Variants in ERBB2 observed in about 807,000 individuals in gnomAD.
ERBB2 encodes receptor tyrosine-protein kinase erbB-2.
In ERBB2, 61 loss-of-function variants were observed where a neutral mutation model predicts 149.0. That is an observed-to-expected ratio of 0.41 (90% CI 0.33 to 0.51). The LOEUF is 0.51. Ranked by LOEUF, ERBB2 falls within the 20% of genes least tolerant of loss-of-function variation. The pLI, the probability that ERBB2 is intolerant of heterozygous loss-of-function variation, is 0.25. For synonymous variants in ERBB2, 633 were observed against 678.8 expected, an observed-to-expected ratio of 0.93 and a Z score of 1.05; for missense variants, 1,205 against 1,655.1, an observed-to-expected ratio of 0.73 and a Z score of 4.72.
In ERBB2 at chr17:39,700,331, G is replaced by A; in HGVS notation, c.73+20G>A. 1 of 1,361,014 alleles carries A rather than the reference G, an allele frequency of 7.3e-7. No homozygotes were observed. Among genetic ancestry groups the A allele is most frequent in the Non-Finnish European group, 9.5e-7 (1 of 1,056,340 alleles). 84.3% of individuals were successfully genotyped at this position (1,361,014 alleles called of 1,614,324 possible). ...CCCAAGGTGGGTCTGGTGTGGGGAG[G>A]GGACGGAGCAGCGGCGGGACCCTGC... On this transcript the variant is annotated intron_variant, in intron 1 of 26. Coordinates refer to ENST00000269571, the MANE Select transcript of ERBB2 (RefSeq NM_004448.4).
rs1043782216 is a variant in ERBB2 at position 39,712,819 on chromosome 17, A to G, written c.1148+371A>G. On this transcript the variant is annotated intron_variant, in intron 9 of 26. Coordinates refer to ENST00000269571, the MANE Select transcript of ERBB2 (RefSeq NM_004448.4). The stretch of plus-strand genomic sequence containing the variant: ...TTTGGTGAAGTTCTACTTAGCAACC[A>G]AAGGAAATGAACTACCGATACAACA... Among the ~76,000 whole-genome samples, 13 of 152,368 alleles carry G rather than the reference A, an allele frequency of 8.5e-5. No homozygotes were observed. In the East Asian group the frequency reaches 2.3e-3, roughly 27 times the overall value.
chr17:39,713,586 A>G (rs2058941196), intron 9 of ERBB2, among the ~76,000 whole-genome samples: 1 of 151,542 alleles, frequency 6.6e-6, no homozygotes, highest in African/African-American at 2.4e-5. Context: ...CCCCATCTCT[A>G]CTAAAAAATA....
chr17:39,715,232 G>C (rs2145626966), intron 9 of ERBB2, 54 bp from the exon 10 acceptor site: 2 of 1,483,184 alleles, frequency 1.3e-6, no homozygotes, highest in South Asian at 2.3e-5. Flanking sequence ...CCAGTGCTGG[G>C]AGTGATGTCC....
In ERBB2 at chr17:39,724,920, C is replaced by T. The variant is rs1484140004; in HGVS notation, c.2493+9C>T. 9.9e-6 allele frequency: 16 copies of T among 1,612,928 alleles called. No individual in the cohort carries two copies. Among genetic ancestry groups the T allele is most frequent in the Non-Finnish European group, 1.4e-5 (16 of 1,179,056 alleles). Reference sequence around the variant, plus strand: ...GTATGCAGATTGCCAAGGTATGCACCTGGGCTCTTTGCAGGTCTCTCCGGA... The same window carrying T: ...GTATGCAGATTGCCAAGGTATGCACTTGGGCTCTTTGCAGGTCTCTCCGGA... On this transcript the variant is annotated intron_variant, in intron 20 of 26. Coordinates refer to ENST00000269571, the MANE Select transcript of ERBB2 (RefSeq NM_004448.4).
chr17:39,701,095 C>G (rs1415808174), intron 1 of ERBB2, among the ~76,000 whole-genome samples: 1 of 151,860 alleles, frequency 6.6e-6, no homozygotes, highest in Non-Finnish European at 1.5e-5. Flanking sequence ...AGATGGGAGC[C>G]TAGGGAGGGC....
At chr17:39,708,557 C>T in intron 3 of ERBB2, 23 bp downstream of exon 3, 5 of 1,595,810 alleles carry the variant, frequency 3.1e-6, no homozygotes, top group Non-Finnish European at 4.3e-6. Context: ...GTCATTGAAA[C>T]CTTCTCTTGG....
At position 39,726,497 on chromosome 17, in the gene ERBB2, G is replaced by T; in HGVS notation, c.2873-65G>T. The T allele has an allele frequency of 7.4e-7, 1 of 1,352,780 alleles. No homozygotes were observed. The highest frequency in any genetic ancestry group is 1.2e-5 in the South Asian group (1 of 84,208). 83.8% of individuals were successfully genotyped at this position (1,352,780 alleles called of 1,614,324 possible). The stretch of plus-strand genomic sequence containing the variant: ...GTCTAGACCAGACTGGAGGGGGAGT[G>T]GGAGGGGAGAGGCAGCAAGCACACA... On this transcript the variant is annotated intron_variant, in intron 23 of 26. Transcript: ENST00000269571. This position sits in a 1 kb window ranked among gnomAD's most constrained non-coding sequence, Gnocchi z 5.1.
upstream of ERBB2, among the ~76,000 whole-genome samples, chr17:39,693,547 T>C (rs907188093): frequency 3.3e-5 from 5 of 151,888 alleles, no homozygotes; most frequent in Admixed American, 2.0e-4. Flanking sequence ...CGTGGTGTGA[T>C]CATGGCTCAC....
Position 39,717,223 on chromosome 17 carries a change from C to T in ERBB2, c.1738-97C>T. 3.9e-6 allele frequency: 4 copies of T among 1,028,826 alleles called. No individual in the cohort carries two copies. The East Asian group carries it at 8.5e-5, about 22-fold the overall frequency. The allele number at this position is 1,028,826 out of a possible 1,614,324, so 63.7% of individuals were successfully genotyped here. A position where few individuals can be genotyped will look rare whatever the true frequency, so the allele number is the denominator to read the frequency against. ...CATGGCGAAAATTGCTGCTGGGTGG[C>T]CTTGGGAAGCACAAAGGGGACCCAA... On this transcript the variant is annotated intron_variant, in intron 14 of 26. Coordinates refer to ENST00000269571, the MANE Select transcript of ERBB2 (RefSeq NM_004448.4).
Position 39,716,700 on chromosome 17 carries a change from A to G in ERBB2, c.1737+95A>G, listed in dbSNP as rs2934968. 1.5e-4 allele frequency: 165 copies of G among 1,087,278 alleles called. 2 individuals carry two copies. The African/African-American group carries it at 1.9e-3, about 13-fold the overall frequency. 67.4% of individuals were successfully genotyped at this position (1,087,278 alleles called of 1,614,324 possible). ...ATGGCGAGATGCAGTAGGGTGTGCTATCTGGTAAAATATCCCTGGAGAGGG... is the reference window on the plus strand; with the variant it reads ...ATGGCGAGATGCAGTAGGGTGTGCTGTCTGGTAAAATATCCCTGGAGAGGG... On this transcript the variant is annotated intron_variant, in intron 14 of 26. Coordinates refer to ENST00000269571, the MANE Select transcript of ERBB2 (RefSeq NM_004448.4).
intron 19 of ERBB2, 26 bp from the exon 20 acceptor site, chr17:39,724,700 C>A (rs1387969887): frequency 1.2e-6 from 2 of 1,608,546 alleles, no homozygotes; most frequent in Non-Finnish European, 1.7e-6. Context: ...GTCTCCCATA[C>A]CCTCTCAGCG....
chr17:39,706,958 T>C, intron 1 of ERBB2, 32 bp from the exon 2 acceptor site: 1 of 1,489,958 alleles, frequency 6.7e-7, no homozygotes, highest in East Asian at 2.6e-5. Context: ...CCCCCGCCAG[T>C]GTCCTCTGAC....
chr17:39,701,573 G>A (rs1473258529), intron 1 of ERBB2, among the ~76,000 whole-genome samples: 1 of 152,258 alleles, frequency 6.6e-6, no homozygotes, highest in Admixed American at 6.5e-5. Flanking sequence ...TCGTGGCTGT[G>A]TGTTGCCCGA....
chr17:39,695,743 A>ACACACG (rs1567889354), upstream of ERBB2, among the ~76,000 whole-genome samples: 2 of 148,842 alleles, frequency 1.3e-5, no homozygotes, highest in Non-Finnish European at 3.0e-5. Context: ...ACACACACAC[A>ACACACG]CACACACACA....
rs908737116 is a variant in ERBB2, at chr17:39,725,459, T to C, written c.2725+57T>C. On this transcript the variant is annotated intron_variant, in intron 22 of 26. Transcript: ENST00000269571. The surrounding 1 kb of genome is among the most constrained non-coding windows in gnomAD (Gnocchi z 4.6). The stretch of plus-strand genomic sequence containing the variant: ...TGAGGAGCCATGGCTGGAGGGAGGA[T>C]GAGAGCTGGGATGGGGAGAATTACG... The C allele has an allele frequency of 6.4e-7, 1 of 1,553,240 alleles. No homozygotes were observed. Among genetic ancestry groups the C allele is most frequent in the African/African-American group, 1.4e-5 (1 of 73,674 alleles).
intron 9 of ERBB2, 70 bp from the exon 10 acceptor site, chr17:39,715,216 G>T (rs2145626181): frequency 2.3e-6 from 3 of 1,311,288 alleles, no homozygotes; most frequent in Admixed American, 1.8e-5. Flanking sequence ...GGAGTGGCTG[G>T]CATGGCCAGT....
intron 1 of ERBB2, among the ~76,000 whole-genome samples, chr17:39,700,936 G>A (rs1286806665): frequency 6.8e-6 from 1 of 147,972 alleles, no homozygotes; most frequent in Non-Finnish European, 1.5e-5. Flanking sequence ...GGGGGCGGGG[G>A]AGACGTTTGC....
intron 1 of ERBB2, chr17:39,703,154 CA>C (rs1567894336): frequency 6.6e-6 from 1 of 152,306 alleles, no homozygotes; most frequent in Non-Finnish European, 1.5e-5. Context: ...ACCAGCATGA[CA>C]GGGGGCTGCG....
rs2143119809 is a variant in ERBB2, at chr17:39,726,504, G to T, written c.2873-58G>T. The T allele has an allele frequency of 7.0e-7, 1 of 1,428,882 alleles. No homozygotes were observed. The highest frequency in any genetic ancestry group is 1.2e-5 in the South Asian group (1 of 86,298). The allele number at this position is 1,428,882 out of a possible 1,614,324, so 88.5% of individuals were successfully genotyped here. ...CCAGACTGGAGGGGGAGTGGGAGGGGAGAGGCAGCAAGCACACAGGGCCTG... is the reference window on the plus strand; with the variant it reads ...CCAGACTGGAGGGGGAGTGGGAGGGTAGAGGCAGCAAGCACACAGGGCCTG... On this transcript the variant is annotated intron_variant, in intron 23 of 26. Transcript: ENST00000269571. This position sits in a 1 kb window ranked among gnomAD's most constrained non-coding sequence, Gnocchi z 5.1.
Sources: allele counts gnomAD v4.1 joint callset (sites outside exome capture counted in the v4.1 genomes callset), GRCh38; gene constraint gnomAD v4.1.1; non-coding constraint Gnocchi (gnomAD v3.1); transcripts MANE v1.5; gene names NCBI Gene and HGNC (gene_info 2026-07-23, HGNC 2026-07-21).